TOP6BL: variants seen among roughly 807,000 people sequenced by gnomAD.
TOP6BL encodes TOP6B like initiator of meiotic double strand breaks.
At chr11:66,762,051 G>T in the TOP6BL span, 1 of 1,379,808 alleles carries the variant, frequency 7.2e-7, no homozygotes, top group Non-Finnish European at 1.0e-6. Flanking sequence ...GCAACTTTCC[G>T]CACTAATTTA....
At chr11:66,784,495 AT>A in the TOP6BL span, among the ~76,000 whole-genome samples, 1 of 152,116 alleles carries the variant, frequency 6.6e-6, no homozygotes, top group Non-Finnish European at 1.5e-5. Context: ...ATTCCAGTAC[AT>A]TTTCATCCAG....
chr11:66,771,937 A>T, the TOP6BL span, among the ~76,000 whole-genome samples: 1 of 152,204 alleles, frequency 6.6e-6, no homozygotes, highest in African/African-American at 2.4e-5. Context: ...AAGGCTTATT[A>T]TTTAGGAAAT....
At chr11:66,745,880 G>A in the TOP6BL span, among the ~76,000 whole-genome samples, 1 of 152,214 alleles carries the variant, frequency 6.6e-6, no homozygotes, top group Non-Finnish European at 1.5e-5. Flanking sequence ...GCGTGATCCC[G>A]GCTCACCGCA....
chr11:66,762,962 C>A, the TOP6BL span, among the ~76,000 whole-genome samples: 11 of 152,138 alleles, frequency 7.2e-5, no homozygotes, highest in Non-Finnish European at 1.3e-4. Flanking sequence ...ACCAGCACTT[C>A]GGGAGGACAA....
chr11:66,756,246 A>C, the TOP6BL span: 1 of 988,320 alleles, frequency 1.0e-6, no homozygotes, highest in Non-Finnish European at 1.2e-6. Context: ...TTTTTAAACT[A>C]TAGGTCTGTT....
the TOP6BL span, chr11:66,816,246 A>G: frequency 2.6e-6 from 4 of 1,556,898 alleles, no homozygotes; most frequent in Admixed American, 1.9e-5. Flanking sequence ...GCCAAATGCT[A>G]AGAGAGAGGG....
the TOP6BL span, among the ~76,000 whole-genome samples, chr11:66,837,988 G>C: frequency 6.6e-6 from 1 of 152,204 alleles, no homozygotes; most frequent in South Asian, 2.1e-4. Context: ...TAGCTGTAAA[G>C]TGATAAAGGC....
chr11:66,823,481 AAATT>A, the TOP6BL span, among the ~76,000 whole-genome samples: 1 of 152,148 alleles, frequency 6.6e-6, no homozygotes, highest in Non-Finnish European at 1.5e-5. Context: ...ATGAGAAAAC[AAATT>A]ATTTAAGATT....
the TOP6BL span, among the ~76,000 whole-genome samples, chr11:66,815,496 G>T: frequency 6.6e-6 from 1 of 152,156 alleles, no homozygotes; most frequent in Non-Finnish European, 1.5e-5. Context: ...AAGAGAACAG[G>T]TTTTTTAGTC....
At chr11:66,778,994 C>A in the TOP6BL span, among the ~76,000 whole-genome samples, 3 of 152,176 alleles carry the variant, frequency 2.0e-5, no homozygotes, top group Non-Finnish European at 4.4e-5. Flanking sequence ...CTTCCTTACA[C>A]CTTATACAAA....
chr11:66,790,002 G>A, the TOP6BL span, among the ~76,000 whole-genome samples: 7 of 152,284 alleles, frequency 4.6e-5, no homozygotes, highest in East Asian at 1.2e-3. Flanking sequence ...GCTGGGCGCC[G>A]TGGCTCACAC....
At chr11:66,843,251 C>G in the TOP6BL span, 1 of 1,606,844 alleles carries the variant, frequency 6.2e-7, no homozygotes. Context: ...TCCCCTTCCG[C>G]AAGCGCCCAC....
chr11:66,799,094 C>G, the TOP6BL span, among the ~76,000 whole-genome samples: 22 of 151,298 alleles, frequency 1.5e-4, no homozygotes, highest in African/African-American at 5.1e-4. Flanking sequence ...GTAATCCCAG[C>G]TACTCAGGAG....
chr11:66,832,352 G>A, the TOP6BL span, among the ~76,000 whole-genome samples: 2 of 152,012 alleles, frequency 1.3e-5, no homozygotes, highest in African/African-American at 4.8e-5. Flanking sequence ...CTCCGGCCTC[G>A]GCCTCCCAAA....
At chr11:66,797,701 C>T in the TOP6BL span, among the ~76,000 whole-genome samples, 2 of 152,072 alleles carry the variant, frequency 1.3e-5, no homozygotes, top group Admixed American at 6.6e-5. Flanking sequence ...GATGGGATTT[C>T]GCCATGTTGG....
chr11:66,834,078 T>G, the TOP6BL span, among the ~76,000 whole-genome samples: 1 of 152,212 alleles, frequency 6.6e-6, no homozygotes, highest in African/African-American at 2.4e-5. Flanking sequence ...CCAGTAGTCA[T>G]AGGTCTTGGA....
chr11:66,756,165 G>C, the TOP6BL span, among the ~76,000 whole-genome samples: 2 of 152,142 alleles, frequency 1.3e-5, no homozygotes, highest in Non-Finnish European at 2.9e-5. Flanking sequence ...GTATGCCACA[G>C]AATATTTATA....
At chr11:66,832,981 A>G in the TOP6BL span, among the ~76,000 whole-genome samples, 1 of 149,802 alleles carries the variant, frequency 6.7e-6, no homozygotes, top group African/African-American at 2.5e-5. Flanking sequence ...AGTTTGCATA[A>G]CTCCAAACTG....
chr11:66,831,705 T>A, the TOP6BL span, among the ~76,000 whole-genome samples: 1 of 152,098 alleles, frequency 6.6e-6, no homozygotes. Flanking sequence ...TTAAAAATTG[T>A]ACATTTTCGG....
Sources: gnomAD v4.1 joint callset for allele counts (sites outside exome capture counted in the v4.1 genomes callset) on GRCh38, gnomAD v4.1.1 for gene constraint, MANE v1.5 for transcripts, NCBI Gene and HGNC (gene_info 2026-07-23, HGNC 2026-07-21) for gene names.